The following EVI5 variants were observed in gnomAD, a reference collection of about 807,000 sequenced individuals.
The protein encoded by EVI5 is ecotropic viral integration site 5.
In EVI5, 73 loss-of-function variants were observed where a neutral mutation model predicts 112.0. The observed-to-expected ratio is 0.65, with a 90% confidence interval of 0.54 to 0.79. The LOEUF (loss-of-function observed/expected upper bound fraction) is 0.79, where lower values mean the gene tolerates loss of function less well. Among genes scored for constraint, EVI5 ranks in the 30% least tolerant of loss-of-function variants. The probability of loss-of-function intolerance (pLI) is 0.00; values close to 1 mark genes in which losing one functional copy is unlikely to be tolerated. For missense variants in EVI5, 900 were observed against 968.8 expected (o/e 0.93, Z 0.94); for synonymous variants, 305 against 319.9 (o/e 0.95, Z 0.50).
chr1:92,635,805 T>A (rs867313132), intron 14 of EVI5, among the ~76,000 whole-genome samples: 4 of 152,212 alleles, frequency 2.6e-5, no homozygotes, highest in African/African-American at 7.2e-5. Context: ...CCCGCTCAGA[T>A]GAAATTTTCC....
rs373069997 is a variant in EVI5 at position 92,513,781 on chromosome 1, G to A, written c.2356C>T (p.Pro786Ser). ...CTCTCACTACCATCTGCCACTGCGG[G>A]GTCCAAAGACATCGAACCAGATTTT... Reference protein sequence around the residue: ...HGKSGSMSLDPAVADGSESET... With the variant: ...HGKSGSMSLDSAVADGSESET... Residue 786 changes from proline (P) to serine (S), a missense_variant, in exon 20 of 20, where the codon CCC (proline) becomes TCC (serine). Coordinates refer to ENST00000684568, the MANE Select transcript of EVI5 (RefSeq NM_001350197.2). 1 of 1,612,474 alleles carries A rather than the reference G, an allele frequency of 6.2e-7. No individual in the cohort carries two copies.
chr1:92,589,895 C>T (rs1298632529), intron 18 of EVI5, among the ~76,000 whole-genome samples: 2 of 152,156 alleles, frequency 1.3e-5, no homozygotes, highest in South Asian at 2.1e-4. Flanking sequence ...CTCACACGGC[C>T]GGGTACCCCT....
At chr1:92,728,174 A>C (rs1330927626) in intron 2 of EVI5, among the ~76,000 whole-genome samples, 1 of 152,188 alleles carries the variant, frequency 6.6e-6, no homozygotes, top group African/African-American at 2.4e-5. Flanking sequence ...ACAAGAGGAT[A>C]TAACAATCCT....
intron 19 of EVI5, among the ~76,000 whole-genome samples, chr1:92,526,701 G>T (rs1557714352): frequency 6.6e-6 from 1 of 152,048 alleles, no homozygotes; most frequent in East Asian, 1.9e-4. Context: ...GGAAGGAGAA[G>T]AGGGATGAAC....
At chr1:92,592,531 C>A (rs535704153) in intron 18 of EVI5, among the ~76,000 whole-genome samples, 4 of 152,254 alleles carry the variant, frequency 2.6e-5, no homozygotes, top group African/African-American at 4.8e-5. Flanking sequence ...AGACCAAACA[C>A]ATTCAAAAAC....
intron 9 of EVI5, among the ~76,000 whole-genome samples, chr1:92,681,646 C>T (rs1667608850): frequency 6.6e-6 from 1 of 152,174 alleles, no homozygotes; most frequent in Non-Finnish European, 1.5e-5. Context: ...TCACTTTTCG[C>T]AAAATCCTCT....
intron 16 of EVI5, among the ~76,000 whole-genome samples, chr1:92,620,346 CAAAA>C (rs541900960): frequency 3.2e-5 from 2 of 62,616 alleles, no homozygotes; most frequent in Non-Finnish European, 6.3e-5. Context: ...AACTCCATCT[CAAAA>C]AAAAAAAAAA....
intron 18 of EVI5, among the ~76,000 whole-genome samples, chr1:92,587,192 G>GACT (rs1310248298): frequency 2.0e-5 from 3 of 152,066 alleles, no homozygotes. Flanking sequence ...CTAATGACTA[G>GACT]ATAGCAAGCT....
At chr1:92,704,917 T>C (rs1002521332) in intron 2 of EVI5, among the ~76,000 whole-genome samples, 173 bp from the exon 3 acceptor site, 2 of 152,136 alleles carry the variant, frequency 1.3e-5, no homozygotes, top group African/African-American at 4.8e-5. Flanking sequence ...ACTGCTATAT[T>C]TTTTTCACCT....
chr1:92,520,622 G>A (rs1011981237), intron 19 of EVI5, among the ~76,000 whole-genome samples: 4 of 152,072 alleles, frequency 2.6e-5, no homozygotes, highest in East Asian at 3.9e-4. Flanking sequence ...AGGCTAAGGC[G>A]GGTGAATCAC....
chr1:92,762,473 T>C (rs558760000), intron 1 of EVI5, among the ~76,000 whole-genome samples: 24 of 152,350 alleles, frequency 1.6e-4, no homozygotes, highest in Middle Eastern at 3.4e-3. Context: ...TAATAAATGA[T>C]AGAGCCAAGA....
chr1:92,708,658 T>C (rs34305407), intron 2 of EVI5, among the ~76,000 whole-genome samples: 30,829 of 151,906 alleles, frequency 0.2, 3,585 homozygotes, highest in Non-Finnish European at 0.26. Flanking sequence ...CAAAAACTTA[T>C]ATACAAGCAT....
In EVI5 at chr1:92,719,159, A is replaced by G. The variant is rs557243151; in HGVS notation, c.150-14415T>C. ...CATTTCTTCTGAAAATATTCCAATC[A>G]ATAGAAAAAGAGGGAATCCTCCCTA... On this transcript the variant is annotated intron_variant, in intron 2 of 19. Coordinates refer to ENST00000684568, the MANE Select transcript of EVI5 (RefSeq NM_001350197.2). Among the ~76,000 whole-genome samples, 59 of 151,048 alleles carry G rather than the reference A, an allele frequency of 3.9e-4. 1 individual carries two copies. The highest frequency in any genetic ancestry group is 1.4e-3 in the African/African-American group (55 of 40,362).
chr1:92,772,407 T>G lies in EVI5; in HGVS notation c.-82+12429A>C, dbSNP rs184398467. On this transcript the variant is annotated intron_variant, in intron 1 of 19. Transcript: ENST00000684568. The stretch of plus-strand genomic sequence containing the variant: ...GTCAGGAGATCAAGACCATCCTGGC[T>G]AACACAGTGAAACCCTGATTCTACT... 9.1e-3 allele frequency among the ~76,000 whole-genome samples: 1,371 copies of G among 150,446 alleles called. 13 individuals are homozygous for G. The highest frequency in any genetic ancestry group is 0.012 in the Non-Finnish European group (842 of 67,644).
Position 92,513,574 on chromosome 1 carries a change from T to C in EVI5, c.*82A>G. 1 of 403,530 alleles carries C rather than the reference T, an allele frequency of 2.5e-6. No homozygotes were observed. The highest frequency in any genetic ancestry group is 4.5e-6 in the Non-Finnish European group (1 of 221,388). 25.0% of individuals were successfully genotyped at this position (403,530 alleles called of 1,614,324 possible). On this transcript the variant is annotated 3_prime_UTR_variant, in exon 20 of 20. Coordinates refer to ENST00000684568, the MANE Select transcript of EVI5 (RefSeq NM_001350197.2). ...ATATATATATATATATATGTACATA[T>C]GAAACAAATTATTTCCAAAAAGCCC...
chr1:92,761,285 C>A (rs2102991248), intron 1 of EVI5, among the ~76,000 whole-genome samples: 1 of 152,172 alleles, frequency 6.6e-6, no homozygotes, highest in South Asian at 2.1e-4. Flanking sequence ...TAAACTGCAA[C>A]TTTGCTTAAA....
chr1:92,779,214 G>A (rs1264725956), intron 1 of EVI5, among the ~76,000 whole-genome samples: 1 of 152,096 alleles, frequency 6.6e-6, no homozygotes, highest in Non-Finnish European at 1.5e-5. Flanking sequence ...TAACTTGGAA[G>A]AAACTATGCA....
chr1:92,610,815 T>A (rs1262544468), intron 16 of EVI5, among the ~76,000 whole-genome samples: 1 of 150,754 alleles, frequency 6.6e-6, no homozygotes, highest in African/African-American at 2.4e-5. Flanking sequence ...GATATGATGG[T>A]TTAAGAGATG....
At chr1:92,570,347 G>A (rs764440761) in intron 18 of EVI5, among the ~76,000 whole-genome samples, 4 of 151,926 alleles carry the variant, frequency 2.6e-5, no homozygotes, top group Non-Finnish European at 1.5e-5. Context: ...CCTAATTTTG[G>A]TATGAGGTCA....
Sources: gnomAD v4.1 joint callset for allele counts (sites outside exome capture counted in the v4.1 genomes callset) on GRCh38, gnomAD v4.1.1 for gene constraint, MANE v1.5 for transcripts, NCBI Gene and HGNC (gene_info 2026-07-23, HGNC 2026-07-21) for gene names.